SETD2: variants seen among roughly 807,000 people sequenced by gnomAD.
SETD2 encodes the protein histone-lysine N-methyltransferase SETD2.
SETD2 carries 31 observed loss-of-function variants against 242.1 expected under a neutral mutation model. The observed-to-expected ratio is 0.13, with a 90% CI of 0.10 to 0.17. The LOEUF (loss-of-function observed/expected upper bound fraction) is 0.17. Among genes scored for constraint, SETD2 ranks in the 10% least tolerant of loss-of-function variants. SETD2 has a pLI of 1.00. For missense variants in SETD2, 2,481 were observed against 3,046.3 expected, an observed-to-expected ratio of 0.81 and a Z score of 4.37; for synonymous variants, 1,006 against 1,066.5, an observed-to-expected ratio of 0.94 and a Z score of 1.11.
intron 17 of SETD2, among the ~76,000 whole-genome samples, chr3:47,039,711 C>CAA (rs554753105): frequency 7.9e-5 from 8 of 101,598 alleles, no homozygotes; most frequent in Admixed American, 1.1e-4. Context: ...ACCGAAAATA[C>CAA]AAAAAAAAAA....
chr3:47,065,759 G>A (rs921251763), intron 13 of SETD2, among the ~76,000 whole-genome samples: 4 of 152,132 alleles, frequency 2.6e-5, no homozygotes, highest in African/African-American at 9.7e-5. Context: ...GAGCTATGAT[G>A]GTGTCACTGT....
At chr3:47,061,146 A>C (rs2040314989) in intron 14 of SETD2, among the ~76,000 whole-genome samples, 2 of 151,966 alleles carry the variant, frequency 1.3e-5, no homozygotes, top group Non-Finnish European at 2.9e-5. Flanking sequence ...TGAACCCGGG[A>C]GGCGGAGCTT....
At chr3:47,096,606 G>C (rs969248226) in intron 9 of SETD2, among the ~76,000 whole-genome samples, 4 of 148,998 alleles carry the variant, frequency 2.7e-5, no homozygotes, top group African/African-American at 9.9e-5. Context: ...AGGGGGGCTG[G>C]GCACTGTGGC....
rs374257444 is a variant in SETD2, at chr3:47,091,309, C to T, written c.5143-3062G>A. Among the ~76,000 whole-genome samples, 21 of 152,178 alleles carry T rather than the reference C, an allele frequency of 1.4e-4. No homozygotes were observed. The East Asian group carries it at 1.9e-3, about 14-fold the overall frequency. ...TACTGCTTTTGACAGATTTTTGAGA[C>T]GAAAATATTCACAGGGCTAAAAAAT... On this transcript the variant is annotated intron_variant, in intron 9 of 20. Coordinates refer to ENST00000409792, the MANE Select transcript of SETD2 (RefSeq NM_014159.7).
At position 47,123,487 on chromosome 3, in the gene SETD2, A is replaced by G. The variant is rs776053769; in HGVS notation, c.1149T>C (p.Leu383=). 2.2e-5 allele frequency: 34 copies of G among 1,551,224 alleles called. No homozygotes were observed. Among genetic ancestry groups the G allele is most frequent in the Admixed American group, 5.9e-5 (3 of 50,972 alleles). ...RDDKYFSYSK[L]ERDTRYVSSR... ...AAGATACATACCGAGTATCTCTTTC[A>G]AGTTTTGAATAGCTAAAATATTTAT... The change falls in exon 3 of 21, where the codon CTT becomes CTC. Residue 383 remains leucine, a synonymous_variant. Coordinates refer to ENST00000409792, the MANE Select transcript of SETD2 (RefSeq NM_014159.7).
chr3:47,118,397 A>C (rs2042944829), intron 3 of SETD2, among the ~76,000 whole-genome samples: 1 of 152,098 alleles, frequency 6.6e-6, no homozygotes, highest in Non-Finnish European at 1.5e-5. Context: ...GTGGCTCCTA[A>C]ATGCCTAGCA....
At chr3:47,035,665 T>G (rs2038964128) in intron 18 of SETD2, among the ~76,000 whole-genome samples, 1 of 152,248 alleles carries the variant, frequency 6.6e-6, no homozygotes, top group Non-Finnish European at 1.5e-5. Context: ...AGATTAATAG[T>G]TACGGTGCCC....
chr3:47,077,960 T>A (rs1246356981), intron 12 of SETD2, among the ~76,000 whole-genome samples: 1 of 152,152 alleles, frequency 6.6e-6, no homozygotes, highest in Non-Finnish European at 1.5e-5. Flanking sequence ...AGTAAAATAG[T>A]ATAAATCAAT....
intron 16 of SETD2, among the ~76,000 whole-genome samples, chr3:47,045,297 A>C (rs1415850473): frequency 6.6e-6 from 1 of 152,136 alleles, no homozygotes; most frequent in Non-Finnish European, 1.5e-5. Context: ...AGGCGGGTAG[A>C]TCACGAGGTC....
At chr3:47,159,393 C>T (rs1015988820) in intron 1 of SETD2, among the ~76,000 whole-genome samples, 3 of 152,200 alleles carry the variant, frequency 2.0e-5, no homozygotes, top group African/African-American at 7.2e-5. Context: ...AACTTTCTAA[C>T]GCTGAGACCA....
intron 1 of SETD2, among the ~76,000 whole-genome samples, chr3:47,127,069 T>C (rs1230620931): frequency 1.3e-5 from 2 of 152,162 alleles, no homozygotes; most frequent in African/African-American, 4.8e-5. Context: ...GCAAAGAATT[T>C]TTCCTGCCTA....
At chr3:47,052,690 C>T (rs1216200607) in intron 15 of SETD2, among the ~76,000 whole-genome samples, 1 of 151,850 alleles carries the variant, frequency 6.6e-6, no homozygotes, top group African/African-American at 2.4e-5. Context: ...TGGTGGTGCA[C>T]ACCTGTAATC....
intron 5 of SETD2, among the ~76,000 whole-genome samples, chr3:47,109,610 T>A (rs2042572442): frequency 6.6e-6 from 1 of 152,082 alleles, no homozygotes; most frequent in African/African-American, 2.4e-5. Context: ...ATCGCGCCAC[T>A]GCATTCAAGC....
intron 9 of SETD2, among the ~76,000 whole-genome samples, chr3:47,092,509 T>C (rs973708149): frequency 2.0e-5 from 3 of 148,856 alleles, no homozygotes; most frequent in Non-Finnish European, 4.5e-5. Context: ...TTTATATATA[T>C]TAAATATATA....
intron 1 of SETD2, among the ~76,000 whole-genome samples, chr3:47,131,676 T>C (rs974754443): frequency 1.2e-4 from 18 of 151,644 alleles, no homozygotes; most frequent in Non-Finnish European, 2.4e-4. Context: ...GTACTATATG[T>C]AGCTGCGGGA....
At position 47,049,304 on chromosome 3, in the gene SETD2, AATATATATATATATATATAT is replaced by A. The variant is rs55952850; in HGVS notation, c.6964-2703_6964-2684del. ...AGTTTTTTATAGAATAAGTTTTCTA[AATATATATATATATATATAT>A]ATATATATATATATATATATATATG... is the stretch of plus-strand genomic sequence containing the variant. On this transcript the variant is annotated intron_variant, in intron 15 of 20. Coordinates refer to ENST00000409792, the MANE Select transcript of SETD2 (RefSeq NM_014159.7). 3.6e-4 allele frequency among the ~76,000 whole-genome samples: 39 copies of A among 108,598 alleles called. 2 individuals are homozygous for A. Among genetic ancestry groups the A allele is most frequent in the East Asian group, 1.4e-3 (5 of 3,552 alleles). The allele number at this position is 108,598 out of a possible 152,430, so 71.2% of individuals were successfully genotyped here. A position where few individuals can be genotyped will look rare whatever the true frequency, so the allele number is the denominator to read the frequency against.
intron 15 of SETD2, among the ~76,000 whole-genome samples, chr3:47,053,128 T>C (rs1165110691): frequency 6.6e-6 from 1 of 152,122 alleles, no homozygotes; most frequent in East Asian, 1.9e-4. Flanking sequence ...CTTCAGGTGA[T>C]CTGCCCACCT....
intron 15 of SETD2, among the ~76,000 whole-genome samples, chr3:47,049,970 A>G (rs1187635523): frequency 6.8e-6 from 1 of 146,910 alleles, no homozygotes; most frequent in Non-Finnish European, 1.5e-5. Flanking sequence ...ATATATTTAT[A>G]TGTTTTTCTT....
At chr3:47,143,285 C>A (rs868178658) in intron 1 of SETD2, among the ~76,000 whole-genome samples, 4 of 152,200 alleles carry the variant, frequency 2.6e-5, no homozygotes, top group Middle Eastern at 3.4e-3. Flanking sequence ...CAGAGCAAGA[C>A]CCCGTCTCAA....
Sources: allele counts gnomAD v4.1 joint callset (sites outside exome capture counted in the v4.1 genomes callset), GRCh38; gene constraint gnomAD v4.1.1; transcripts MANE v1.5; gene names NCBI Gene and HGNC (gene_info 2026-07-23, HGNC 2026-07-21).